The following NKAIN2 variants were observed in gnomAD, a reference collection of about 807,000 sequenced individuals.
NKAIN2 encodes the protein sodium/potassium-transporting ATPase subunit beta-1-interacting protein 2.
In NKAIN2, 14 loss-of-function variants were observed where a neutral mutation model predicts 32.6. The observed-to-expected ratio is 0.43, with a 90% CI of 0.28 to 0.67. NKAIN2 has a LOEUF of 0.67. Among genes scored for constraint, NKAIN2 ranks in the 30% least tolerant of loss-of-function variants. NKAIN2 has a pLI of 0.17. For synonymous variants in NKAIN2, 80 were observed against 87.2 expected (o/e 0.92, Z 0.46); for missense variants, 198 against 258.3 (o/e 0.77, Z 1.60).
At chr6:124,685,395 C>A (rs1330213757) in intron 4 of NKAIN2, among the ~76,000 whole-genome samples, 1 of 152,094 alleles carries the variant, frequency 6.6e-6, no homozygotes, top group Non-Finnish European at 1.5e-5. Flanking sequence ...AAAATTTGAT[C>A]CACTTTTCAT....
chr6:123,815,790 T>A (rs1773668659), intron 1 of NKAIN2, among the ~76,000 whole-genome samples: 1 of 152,100 alleles, frequency 6.6e-6, no homozygotes, highest in South Asian at 2.1e-4. Flanking sequence ...TGTAAAGATA[T>A]ATGTATACAC....
intron 4 of NKAIN2, among the ~76,000 whole-genome samples, chr6:124,681,950 G>C (rs1773645208): frequency 6.6e-6 from 1 of 151,986 alleles, no homozygotes. Context: ...GAAAGGAACA[G>C]AGGGAGAAGA....
chr6:124,805,183 C>A (rs1780475683), intron 5 of NKAIN2, among the ~76,000 whole-genome samples: 2 of 152,208 alleles, frequency 1.3e-5, no homozygotes, highest in African/African-American at 2.4e-5. Context: ...GGGCAGAATG[C>A]CTCCTCAAGT....
intron 1 of NKAIN2, among the ~76,000 whole-genome samples, chr6:123,861,129 A>G (rs1191831186): frequency 6.6e-6 from 1 of 152,202 alleles, no homozygotes; most frequent in Non-Finnish European, 1.5e-5. Context: ...AGGGGCAGAT[A>G]ATGGCTTCCA....
At chr6:124,603,728 A>G (rs1782393647) in intron 3 of NKAIN2, among the ~76,000 whole-genome samples, 1 of 151,902 alleles carries the variant, frequency 6.6e-6, no homozygotes, top group Admixed American at 6.6e-5. Flanking sequence ...CTGAGAGTTA[A>G]AGGGACAAGA....
chr6:124,403,285 A>G (rs1171362858), intron 3 of NKAIN2, among the ~76,000 whole-genome samples: 3 of 149,178 alleles, frequency 2.0e-5, no homozygotes, highest in South Asian at 4.1e-4. Flanking sequence ...ATTTCTATAT[A>G]GAGATATCAA....
At chr6:124,738,548 T>C (rs1450549950) in intron 4 of NKAIN2, among the ~76,000 whole-genome samples, 1 of 147,834 alleles carries the variant, frequency 6.8e-6, no homozygotes, top group Admixed American at 6.8e-5. Context: ...TACACTGCTC[T>C]TAATTATGTG....
intron 2 of NKAIN2, among the ~76,000 whole-genome samples, chr6:124,342,882 C>G (rs1487311112): frequency 4.7e-5 from 7 of 148,868 alleles, no homozygotes; most frequent in Admixed American, 4.0e-4. Context: ...GCACAATGTG[C>G]CAGTTAGTTA....
chr6:124,775,559 T>C (rs1281781064), intron 4 of NKAIN2, among the ~76,000 whole-genome samples: 4 of 152,214 alleles, frequency 2.6e-5, no homozygotes, highest in Admixed American at 2.6e-4. Context: ...TTTAATCCCA[T>C]TTCATTTTCC....
At chr6:124,260,202 C>T (rs1010530036) in intron 1 of NKAIN2, among the ~76,000 whole-genome samples, 6 of 152,084 alleles carry the variant, frequency 3.9e-5, no homozygotes, top group Non-Finnish European at 7.4e-5. Context: ...ATTCTATGGA[C>T]TAAGTATATG....
At chr6:124,048,807 C>T (rs1427553304) in intron 1 of NKAIN2, among the ~76,000 whole-genome samples, 1 of 151,948 alleles carries the variant, frequency 6.6e-6, no homozygotes, top group Non-Finnish European at 1.5e-5. Context: ...GGGAGATGCA[C>T]AGAAAAATTG....
At chr6:123,827,627 G>A (rs1389609232) in intron 1 of NKAIN2, among the ~76,000 whole-genome samples, 1 of 152,112 alleles carries the variant, frequency 6.6e-6, no homozygotes, top group East Asian at 1.9e-4. Flanking sequence ...TATTAACTGT[G>A]TATTTTAACA....
chr6:124,186,768 A>G (rs1389401371), intron 1 of NKAIN2, among the ~76,000 whole-genome samples: 2 of 152,222 alleles, frequency 1.3e-5, no homozygotes, highest in Non-Finnish European at 1.5e-5. Context: ...AAATTAGCTA[A>G]AAAGCATAAG....
At chr6:124,495,613 G>A (rs1206399137) in intron 3 of NKAIN2, among the ~76,000 whole-genome samples, 1 of 152,126 alleles carries the variant, frequency 6.6e-6, no homozygotes, top group African/African-American at 2.4e-5. Context: ...TCTGAGCTCT[G>A]AGCTGCATAT....
intron 1 of NKAIN2, among the ~76,000 whole-genome samples, chr6:123,817,122 G>A (rs1773725576): frequency 6.6e-6 from 1 of 152,090 alleles, no homozygotes; most frequent in African/African-American, 2.4e-5. Context: ...GATGGTGGGG[G>A]ATGATTTTGG....
intron 1 of NKAIN2, among the ~76,000 whole-genome samples, chr6:123,934,839 T>A (rs1267751847): frequency 6.6e-6 from 1 of 151,888 alleles, no homozygotes; most frequent in Non-Finnish European, 1.5e-5. Flanking sequence ...ATGTGATGCC[T>A]TAGCTGTGCT....
intron 3 of NKAIN2, among the ~76,000 whole-genome samples, chr6:124,525,433 G>C (rs1779275202): frequency 6.6e-6 from 1 of 152,032 alleles, no homozygotes; most frequent in South Asian, 2.1e-4. Flanking sequence ...AGCAAGACTA[G>C]AATCTAGCTA....
At chr6:124,553,559 G>T (rs1182253700) in intron 3 of NKAIN2, among the ~76,000 whole-genome samples, 1 of 151,970 alleles carries the variant, frequency 6.6e-6, no homozygotes, top group Admixed American at 6.6e-5. Flanking sequence ...CACCTGCCTC[G>T]ACCTCCCAAA....
chr6:124,632,849 C>T (rs925011272), intron 3 of NKAIN2, among the ~76,000 whole-genome samples: 1 of 152,148 alleles, frequency 6.6e-6, no homozygotes, highest in Non-Finnish European at 1.5e-5. Context: ...GAATAAAGTA[C>T]AACTAAAATA....
Sources: gnomAD v4.1 joint callset for allele counts (sites outside exome capture counted in the v4.1 genomes callset) on GRCh38, gnomAD v4.1.1 for gene constraint, MANE v1.5 for transcripts, NCBI Gene and HGNC (gene_info 2026-07-23, HGNC 2026-07-21) for gene names.